The following ATG13 variants were observed in gnomAD, a reference collection of about 807,000 sequenced individuals.
ATG13 encodes the protein autophagy-related protein 13.
ATG13 carries 23 observed loss-of-function variants against 65.5 expected under a neutral mutation model. The observed-to-expected ratio is 0.35, with a 90% confidence interval of 0.25 to 0.50. The LOEUF is 0.50. Among genes scored for constraint, ATG13 ranks in the 20% least tolerant of loss-of-function variants. ATG13 has a pLI of 0.98. For missense variants in ATG13, 566 were observed against 677.0 expected (o/e 0.84, Z 1.82); for synonymous variants, 252 against 245.2 (o/e 1.03, Z -0.26).
At chr11:46,667,684 C>T (rs2062668926) in intron 14 of ATG13, 89 bp from the exon 15 acceptor site, 2 of 1,022,996 alleles carry the variant, frequency 2.0e-6, no homozygotes, top group South Asian at 1.6e-5. Context: ...TGCCCTAGGC[C>T]ACAGCCCCAC....
chr11:46,669,530 T>C lies in ATG13; in HGVS notation c.1573T>C (p.Leu525=), dbSNP rs1450567809. The change falls in exon 18 of 19, where the codon TTG becomes CTG. Residue 525 remains leucine (L), a splice_region_variant and synonymous_variant. Transcript: ENST00000683050. ...DIGAQSMAED[L]DSLPEKLAVH... is the part of the protein sequence containing the mutation. Reference sequence around the variant, plus strand: ...TGGAGCACAGTCCATGGCTGAAGACTTGGTATGGAAACGTCTTCCTCTACC... The same window carrying C: ...TGGAGCACAGTCCATGGCTGAAGACCTGGTATGGAAACGTCTTCCTCTACC... 1.2e-6 allele frequency: 2 copies of C among 1,613,874 alleles called. No homozygotes were observed. The highest frequency in any genetic ancestry group is 1.7e-6 in the Non-Finnish European group (2 of 1,179,910).
At chr11:46,637,547 A>AT (rs922343357) in intron 2 of ATG13, among the ~76,000 whole-genome samples, 1 of 151,970 alleles carries the variant, frequency 6.6e-6, no homozygotes, top group Non-Finnish European at 1.5e-5. Flanking sequence ...TAATTTTTGT[A>AT]TTTTTTTGGT....
At chr11:46,624,527 G>T (rs2048826816) in intron 1 of ATG13, among the ~76,000 whole-genome samples, 1 of 149,786 alleles carries the variant, frequency 6.7e-6, no homozygotes. Context: ...TGACGTTTTT[G>T]AAGAGTGACG....
chr11:46,619,408 G>C (rs1391960689), intron 1 of ATG13, among the ~76,000 whole-genome samples: 2 of 97,956 alleles, frequency 2.0e-5, no homozygotes, highest in Non-Finnish European at 3.9e-5. Flanking sequence ...TTTTGAGACG[G>C]AGTTTCACTC....
chr11:46,627,966 C>G (rs1263239893), intron 1 of ATG13, among the ~76,000 whole-genome samples: 2 of 151,272 alleles, frequency 1.3e-5, no homozygotes, highest in African/African-American at 4.9e-5. Flanking sequence ...GCTAGTAGTC[C>G]CAGCTACTCC....
chr11:46,650,163 T>C lies in ATG13; in HGVS notation c.318-14T>C. The C allele has an allele frequency of 6.2e-7, 1 of 1,612,810 alleles. No homozygotes were observed. Among genetic ancestry groups the C allele is most frequent in the South Asian group, 1.1e-5 (1 of 90,994 alleles). ...TAAATAGAAGAATGCTGACCATATC[T>C]TTGTGCCTGGCAGGTGTGATAAAGA... is the stretch of plus-strand genomic sequence containing the variant. On this transcript the variant is annotated splice_polypyrimidine_tract_variant and intron_variant, in intron 6 of 18. Transcript: ENST00000683050.
chr11:46,651,630 A>G (rs184169770), intron 7 of ATG13, among the ~76,000 whole-genome samples: 3 of 152,204 alleles, frequency 2.0e-5, no homozygotes, highest in Non-Finnish European at 4.4e-5. Context: ...GACGAATAGT[A>G]TAGCAAGATA....
chr11:46,624,342 A>G (rs532131844), intron 1 of ATG13, among the ~76,000 whole-genome samples: 23 of 152,300 alleles, frequency 1.5e-4, no homozygotes, highest in African/African-American at 5.5e-4. Flanking sequence ...ACTGTTACCT[A>G]GTATACAGTT....
chr11:46,620,043 A>C (rs1423317564), intron 1 of ATG13, among the ~76,000 whole-genome samples: 2 of 151,392 alleles, frequency 1.3e-5, no homozygotes, highest in African/African-American at 4.9e-5. Flanking sequence ...AAAAAAAAAA[A>C]ATTCCTCTGA....
At chr11:46,657,300 C>CT (rs1371301652) in intron 9 of ATG13, 109 bp downstream of exon 9, 1 of 1,108,516 alleles carries the variant, frequency 9.0e-7, no homozygotes. Flanking sequence ...AAAGCAGTAC[C>CT]TTCAGAAGAA....
chr11:46,634,912 A>C (rs958613825), intron 2 of ATG13, among the ~76,000 whole-genome samples: 84 of 151,428 alleles, frequency 5.5e-4, no homozygotes, highest in African/African-American at 1.8e-3. Flanking sequence ...CATATTGGCC[A>C]GGCTTTTCTT....
intron 7 of ATG13, 120 bp downstream of exon 7, chr11:46,650,437 A>T (rs935693400): frequency 7.5e-7 from 1 of 1,339,944 alleles, no homozygotes; most frequent in Non-Finnish European, 1.0e-6. Context: ...TGGATTATTG[A>T]TGCTGTCGCT....
intron 2 of ATG13, among the ~76,000 whole-genome samples, chr11:46,638,893 C>T (rs926320144): frequency 1.3e-5 from 2 of 151,958 alleles, no homozygotes; most frequent in Non-Finnish European, 2.9e-5. Flanking sequence ...CTGCAACCTC[C>T]GCCTCCCAGG....
chr11:46,629,030 C>T (rs2050732593), intron 1 of ATG13, among the ~76,000 whole-genome samples: 1 of 151,678 alleles, frequency 6.6e-6, no homozygotes, highest in Admixed American at 6.6e-5. Flanking sequence ...ACAACCTCCT[C>T]CTCCTGGGCT....
intron 10 of ATG13, among the ~76,000 whole-genome samples, chr11:46,659,150 G>A (rs962949454): frequency 4.6e-5 from 7 of 152,196 alleles, no homozygotes; most frequent in Admixed American, 1.3e-4. Flanking sequence ...ACTCTAGCCT[G>A]GGTGACAGAG....
At position 46,669,217 on chromosome 11, in the gene ATG13, C is replaced by T. The variant is rs114018983; in HGVS notation, c.1447-187C>T. 7.2e-3 allele frequency among the ~76,000 whole-genome samples: 1,090 copies of T among 152,244 alleles called. 21 individuals carry two copies. Among genetic ancestry groups the T allele is most frequent in the African/African-American group, 0.025 (1,040 of 41,548 alleles). The stretch of plus-strand genomic sequence containing the variant: ...TTGAAGGAGTGGGACATAAACTTAA[C>T]TAGTGGAGAGGAATATTATCACCAG... On this transcript the variant is annotated intron_variant, in intron 17 of 18. Coordinates refer to ENST00000683050, the MANE Select transcript of ATG13 (RefSeq NM_001346311.2).
chr11:46,662,525 G>A (rs2061409478), intron 11 of ATG13, among the ~76,000 whole-genome samples: 1 of 152,108 alleles, frequency 6.6e-6, no homozygotes, highest in African/African-American at 2.4e-5. Context: ...CTCTTATTGT[G>A]TCTTATTGCA....
At chr11:46,627,826 A>T (rs1486276770) in intron 1 of ATG13, among the ~76,000 whole-genome samples, 1 of 151,966 alleles carries the variant, frequency 6.6e-6, no homozygotes, top group Non-Finnish European at 1.5e-5. Flanking sequence ...TCATGCCTGC[A>T]ATCCCCAGCA....
chr11:46,667,812 G>A lies in ATG13; in HGVS notation c.1176G>A (p.Arg392=). Residue 392 remains arginine, a synonymous_variant, in exon 15 of 19, where the codon CGG becomes CGA. Transcript: ENST00000683050. ...CCGTATCAAACAGCAGTGAGGGACGGGCCTCCCCTCACGATGTCTTGGAGA... is the reference window on the plus strand; with the variant it reads ...CCGTATCAAACAGCAGTGAGGGACGAGCCTCCCCTCACGATGTCTTGGAGA... ...TETVSNSSEG[R]ASPHDVLETI... is the part of the protein sequence containing the mutation. The A allele has an allele frequency of 1.2e-6, 2 of 1,611,812 alleles. No individual in the cohort carries two copies. Among genetic ancestry groups the A allele is most frequent in the Non-Finnish European group, 1.7e-6 (2 of 1,178,058 alleles).
Sources: gnomAD v4.1 joint callset for allele counts (sites outside exome capture counted in the v4.1 genomes callset) on GRCh38, gnomAD v4.1.1 for gene constraint, MANE v1.5 for transcripts, NCBI Gene and HGNC (gene_info 2026-07-23, HGNC 2026-07-21) for gene names.